The following SYNE2 variants were observed in gnomAD, a reference collection of about 807,000 sequenced individuals.
SYNE2 encodes the protein nesprin-2.
SYNE2 carries 431 observed loss-of-function variants against 856.3 expected under a neutral mutation model. The observed-to-expected ratio is 0.50, with a 90% CI of 0.47 to 0.55. SYNE2 has a LOEUF of 0.55. Among genes scored for constraint, SYNE2 ranks in the 20% least tolerant of loss-of-function variants. The pLI, the probability that SYNE2 is intolerant of heterozygous loss-of-function variation, is 0.00. For synonymous variants in SYNE2, 2,923 were observed against 2,872.3 expected (o/e 1.02, Z -0.56); for missense variants, 8,129 against 8,023.2 (o/e 1.01, Z -0.50).
rs1461888804 is a variant in SYNE2, at chr14:63,887,467, T to G, written c.-51-21631T>G. The stretch of plus-strand genomic sequence containing the variant: ...TGATCCTACACCCTCTGTGGGTCCC[T>G]GGGGAAGGTGTTCAGCCTGTGGCTG... On this transcript the variant is annotated intron_variant, in intron 1 of 115. Transcript: ENST00000555002. 2.0e-5 allele frequency among the ~76,000 whole-genome samples: 3 copies of G among 151,980 alleles called. No individual in the cohort carries two copies. The East Asian group carries it at 5.8e-4, about 29-fold the overall frequency.
chr14:64,107,681 T>C lies in SYNE2; in HGVS notation c.12609+74T>C, dbSNP rs932392765. On this transcript the variant is annotated intron_variant, in intron 65 of 115. Transcript: ENST00000555002. ...ACCTAGAGATGACCAGTGTTCTGTG[T>C]CCTGCAATACCTTGTACGTCAAGCT... is the stretch of plus-strand genomic sequence containing the variant. 4 of 1,146,304 alleles carry C rather than the reference T, an allele frequency of 3.5e-6. No individual in the cohort carries two copies. The African/African-American group carries it at 4.6e-5, about 13-fold the overall frequency. The allele number at this position is 1,146,304 out of a possible 1,614,324, so 71.0% of individuals were successfully genotyped here.
intron 32 of SYNE2, among the ~76,000 whole-genome samples, chr14:64,014,425 T>G (rs146751992): frequency 2.1e-4 from 32 of 152,268 alleles, no homozygotes; most frequent in South Asian, 2.1e-3. Context: ...CATGGGTTTT[T>G]TTTGTTTGTT....
At chr14:63,811,026 G>A (rs1888594613) in intron 1 of SYNE2, among the ~76,000 whole-genome samples, 1 of 152,018 alleles carries the variant, frequency 6.6e-6, no homozygotes. Context: ...TAGTAGAGAT[G>A]GGGTTTCACC....
At chr14:64,186,401 C>T in intron 96 of SYNE2, 23 bp from the exon 97 acceptor site, 1 of 1,613,978 alleles carries the variant, frequency 6.2e-7, no homozygotes, top group Non-Finnish European at 8.5e-7. Flanking sequence ...GGCTTTTTAC[C>T]CCCTTCTTGT....
chr14:63,767,940 T>C (rs1886747841), intron 1 of SYNE2, among the ~76,000 whole-genome samples: 1 of 152,130 alleles, frequency 6.6e-6, no homozygotes. Flanking sequence ...ACGCCTGTAA[T>C]CCCAGCACTT....
At chr14:64,225,294 A>C in intron 115 of SYNE2, 25 bp from the exon 116 acceptor site, 1 of 1,614,036 alleles carries the variant, frequency 6.2e-7, no homozygotes, top group Non-Finnish European at 8.5e-7. Flanking sequence ...CCTCCCAATC[A>C]GCTCTCAACC....
At chr14:64,038,650 G>A (rs568896292) in intron 45 of SYNE2, among the ~76,000 whole-genome samples, 17 of 152,356 alleles carry the variant, frequency 1.1e-4, no homozygotes, top group Non-Finnish European at 2.4e-4. Flanking sequence ...AGACCAGCCC[G>A]GCCAACACAG....
intron 82 of SYNE2, among the ~76,000 whole-genome samples, chr14:64,143,209 G>A (rs907540160): frequency 2.0e-5 from 3 of 152,198 alleles, no homozygotes; most frequent in Non-Finnish European, 4.4e-5. Flanking sequence ...AAATCAGTAA[G>A]TGACAGGTTT....
At chr14:63,910,513 G>A (rs775041980) in intron 2 of SYNE2, among the ~76,000 whole-genome samples, 12 of 152,182 alleles carry the variant, frequency 7.9e-5, no homozygotes, top group Non-Finnish European at 1.0e-4. Flanking sequence ...TAAAAATAAT[G>A]TCTGAATATT....
chr14:63,764,034 A>G (rs1261027990), intron 1 of SYNE2, among the ~76,000 whole-genome samples: 4 of 152,190 alleles, frequency 2.6e-5, no homozygotes, highest in African/African-American at 9.7e-5. Flanking sequence ...AAGAAATTTT[A>G]AAAGGAAGGC....
intron 48 of SYNE2, among the ~76,000 whole-genome samples, chr14:64,055,364 TA>T (rs2097259994): frequency 6.7e-6 from 1 of 148,918 alleles, no homozygotes; most frequent in Non-Finnish European, 1.5e-5. Flanking sequence ...AATCTGAAAA[TA>T]ACTTTTTTTT....
At chr14:64,004,593 G>T (rs568785004) in intron 30 of SYNE2, among the ~76,000 whole-genome samples, 59 of 152,224 alleles carry the variant, frequency 3.9e-4, no homozygotes, top group African/African-American at 1.3e-3. Flanking sequence ...ACCTCCCAAA[G>T]TGTTGGGATT....
chr14:64,188,590 C>T lies in SYNE2; in HGVS notation c.17753C>T (p.Thr5918Ile). 1 of 1,614,110 alleles carries T rather than the reference C, an allele frequency of 6.2e-7. No homozygotes were observed. Among genetic ancestry groups the T allele is most frequent in the South Asian group, 1.1e-5 (1 of 91,072 alleles). Residue 5918 changes from threonine to isoleucine, a missense_variant, in exon 98 of 116, where the codon ACA becomes ATA. Physicochemically the swap from Thr to Ile is moderately conservative, Grantham distance 89. Around this residue, in one of 3 missense-constraint regions of SYNE2, gnomAD observed 5,410 missense variants for 5,284.8 expected, o/e 1.02. Coordinates refer to ENST00000555002, the MANE Select transcript of SYNE2 (RefSeq NM_182914.3). ...CAGGAGATTGAAGACAGACTCAATA[C>T]ATGGGTTGTATTCAATGAAAAAAAT... ...RKQEIEDRLN[T>I]WVVFNEKNKE...
chr14:63,807,545 A>C (rs1297261709), intron 1 of SYNE2, among the ~76,000 whole-genome samples: 1 of 151,948 alleles, frequency 6.6e-6, no homozygotes, highest in Non-Finnish European at 1.5e-5. Context: ...TATTAAAATC[A>C]GCTTTGTTAT....
At chr14:64,087,555 A>G (rs369945737) in intron 57 of SYNE2, 116 bp from the exon 58 acceptor site, 2 of 1,111,448 alleles carry the variant, frequency 1.8e-6, no homozygotes, top group Non-Finnish European at 2.8e-6. Context: ...ATCGAACTAG[A>G]AATGACTAGT....
At chr14:63,892,807 C>T (rs1056664801) in intron 1 of SYNE2, among the ~76,000 whole-genome samples, 23 of 150,446 alleles carry the variant, frequency 1.5e-4, no homozygotes, top group African/African-American at 5.1e-4. Context: ...GGGGCTTAAG[C>T]AGTCCTCCTG....
At chr14:63,931,927 G>T (rs1037117401) in intron 2 of SYNE2, among the ~76,000 whole-genome samples, 3 of 152,170 alleles carry the variant, frequency 2.0e-5, no homozygotes, top group African/African-American at 7.2e-5. Flanking sequence ...CTGGCTCTAA[G>T]ATTAGCTTTT....
Position 63,950,002 on chromosome 14 carries a change from G to T in SYNE2, c.586G>T (p.Ala196Ser). The T allele has an allele frequency of 6.2e-7, 1 of 1,613,980 alleles. No individual in the cohort carries two copies. Among genetic ancestry groups the T allele is most frequent in the East Asian group, 2.2e-5 (1 of 44,870 alleles). The change falls in exon 7 of 116, where the codon GCC becomes TCC. Residue 196 changes from alanine (A) to serine (S), a missense_variant. Physicochemically the swap from Ala to Ser is moderately conservative, Grantham distance 99. Coordinates refer to ENST00000555002, the MANE Select transcript of SYNE2 (RefSeq NM_182914.3). ...ALLLWAQEQC[A>S]TYESVNVTDF... ...TCTTTTGTGGGCTCAGGAACAATGCGCCACGTAAGTAGTTTGCTATGACCC... is the reference window on the plus strand; with the variant it reads ...TCTTTTGTGGGCTCAGGAACAATGCTCCACGTAAGTAGTTTGCTATGACCC...
rs181012316 is a variant in SYNE2 at position 64,159,242 on chromosome 14, A to C, written c.15964-70A>C. 9 of 1,603,866 alleles carry C rather than the reference A, an allele frequency of 5.6e-6. No homozygotes were observed. In the Admixed American group the frequency reaches 1.3e-4, roughly 24 times the overall value. ...TATTGCTACATAGTAGCAAGTGTTGAGAAGCTGCCACCTTCTTTGGAAGTA... is the reference window on the plus strand; with the variant it reads ...TATTGCTACATAGTAGCAAGTGTTGCGAAGCTGCCACCTTCTTTGGAAGTA... On this transcript the variant is annotated intron_variant, in intron 86 of 115. Coordinates refer to ENST00000555002, the MANE Select transcript of SYNE2 (RefSeq NM_182914.3).
Sources: allele counts gnomAD v4.1 joint callset (sites outside exome capture counted in the v4.1 genomes callset), GRCh38; gene constraint gnomAD v4.1.1; regional missense constraint gnomAD v4.1.1; transcripts MANE v1.5; gene names NCBI Gene and HGNC (gene_info 2026-07-23, HGNC 2026-07-21).